Variants in LUZP2 observed in about 807,000 individuals in gnomAD.
The protein encoded by LUZP2 is leucine zipper protein 2.
Under a neutral mutation model 51.6 loss-of-function variants are expected in LUZP2, and 52 were observed. The ratio of observed to expected loss-of-function variants is 1.01; its 90% confidence interval spans 0.81 to 1.27. LUZP2 has a LOEUF of 1.27. LUZP2 is among the 50% of genes most tolerant of loss of function. The pLI is 0.00. For synonymous variants in LUZP2, 154 were observed against 137.3 expected (o/e 1.12, Z -0.85); for missense variants, 436 against 395.4 (o/e 1.10, Z -0.87).
chr11:24,713,335 G>A (rs963088818), intron 1 of LUZP2, among the ~76,000 whole-genome samples: 10 of 152,068 alleles, frequency 6.6e-5, no homozygotes, highest in African/African-American at 1.9e-4. Flanking sequence ...ATACCCTAGC[G>A]AAACCGAATC....
At chr11:24,835,981 G>T (rs1050048865) in intron 5 of LUZP2, among the ~76,000 whole-genome samples, 1 of 151,908 alleles carries the variant, frequency 6.6e-6, no homozygotes, top group African/African-American at 2.4e-5. Flanking sequence ...ATTTAATCAA[G>T]TCATACTGAT....
intron 1 of LUZP2, among the ~76,000 whole-genome samples, chr11:24,503,595 A>T (rs971416587): frequency 1.3e-5 from 2 of 152,216 alleles, no homozygotes; most frequent in South Asian, 2.1e-4. Context: ...AGTGTACTTT[A>T]AAAAGCCTAC....
intron 5 of LUZP2, among the ~76,000 whole-genome samples, chr11:24,884,819 T>C (rs1852618336): frequency 6.6e-6 from 1 of 152,046 alleles, no homozygotes; most frequent in African/African-American, 2.4e-5. Context: ...CCTTCATAGA[T>C]TGTGAACTCC....
chr11:24,674,492 A>C (rs180745397), intron 1 of LUZP2, among the ~76,000 whole-genome samples: 2 of 152,356 alleles, frequency 1.3e-5, no homozygotes, highest in African/African-American at 2.4e-5. Flanking sequence ...AATAAGGTGA[A>C]GGAAAAAGCT....
chr11:24,526,592 G>A (rs983936488), intron 1 of LUZP2, among the ~76,000 whole-genome samples: 3 of 151,098 alleles, frequency 2.0e-5, no homozygotes, highest in East Asian at 1.9e-4. Context: ...TCCATGGGAC[G>A]TTGTTAAAAC....
chr11:24,763,446 G>T, intron 5 of LUZP2, 138 bp downstream of exon 5: 1 of 378,942 alleles, frequency 2.6e-6, no homozygotes, highest in Non-Finnish European at 4.8e-6. Context: ...TAGAGAAATT[G>T]TAAGGTGAAG....
chr11:24,570,489 C>A (rs772360736), intron 1 of LUZP2, among the ~76,000 whole-genome samples: 53 of 151,960 alleles, frequency 3.5e-4, no homozygotes, highest in Non-Finnish European at 4.7e-4. Flanking sequence ...ATAGCTTGTA[C>A]ATCTTGATTT....
intron 9 of LUZP2, among the ~76,000 whole-genome samples, chr11:25,026,125 C>T (rs1234550387): frequency 7.4e-6 from 1 of 134,248 alleles, no homozygotes; most frequent in South Asian, 2.3e-4. Flanking sequence ...GGGAACATGA[C>T]ACACTGGAGC....
chr11:24,613,427 T>C (rs1390169279), intron 1 of LUZP2, among the ~76,000 whole-genome samples: 1 of 152,092 alleles, frequency 6.6e-6, no homozygotes, highest in Non-Finnish European at 1.5e-5. Context: ...AAATAAAAAA[T>C]GACATAGGGT....
Position 24,534,361 on chromosome 11 carries a change from AT to A in LUZP2, c.62+37059del, listed in dbSNP as rs567577166. Among the ~76,000 whole-genome samples the A allele has an allele frequency of 2.3e-3, 349 of 151,430 alleles. 4 individuals are homozygous for A. The highest frequency in any genetic ancestry group is 0.014 in the Middle Eastern group (4 of 290). ...AGAGAGCAACAAGCTCTTTCTATAT[AT>A]TTACATATAGAAGATGACATATACA... On this transcript the variant is annotated intron_variant, in intron 1 of 11. Transcript: ENST00000336930.
chr11:24,649,332 A>T (rs1393954173), intron 1 of LUZP2, among the ~76,000 whole-genome samples: 1 of 151,910 alleles, frequency 6.6e-6, no homozygotes, highest in Non-Finnish European at 1.5e-5. Flanking sequence ...TCCCTTGAAG[A>T]GGGTGATTTT....
chr11:24,688,259 C>T (rs755752490), intron 1 of LUZP2, among the ~76,000 whole-genome samples: 2 of 152,112 alleles, frequency 1.3e-5, no homozygotes, highest in African/African-American at 4.8e-5. Context: ...CACAAGAACC[C>T]AGTTACCATT....
intron 1 of LUZP2, among the ~76,000 whole-genome samples, chr11:24,663,742 G>T: frequency 6.6e-6 from 1 of 152,094 alleles, no homozygotes; most frequent in South Asian, 2.1e-4. Context: ...GGAGGTAATT[G>T]AATCATGGGG....
chr11:24,906,670 G>A (rs1232457521), intron 6 of LUZP2, among the ~76,000 whole-genome samples: 5 of 152,022 alleles, frequency 3.3e-5, no homozygotes, highest in Non-Finnish European at 7.4e-5. Context: ...CAATGAAATA[G>A]GAATGATACT....
At chr11:24,790,988 G>A (rs368679752) in intron 5 of LUZP2, among the ~76,000 whole-genome samples, 3 of 152,040 alleles carry the variant, frequency 2.0e-5, no homozygotes, top group Non-Finnish European at 4.4e-5. Flanking sequence ...TGTATATTCT[G>A]CTCAGACCAC....
chr11:24,569,342 T>G lies in LUZP2; in HGVS notation c.62+72037T>G, dbSNP rs1852350399. Among the ~76,000 whole-genome samples the G allele has an allele frequency of 2.6e-5, 4 of 152,224 alleles. No individual in the cohort carries two copies. In the South Asian group the frequency reaches 8.3e-4, roughly 32 times the overall value. ...TAAAAATGGTATATTAAATCCTTTT[T>G]ATATTGATAAGTAATCTAATGGTTA... On this transcript the variant is annotated intron_variant, in intron 1 of 11. Coordinates refer to ENST00000336930, the MANE Select transcript of LUZP2 (RefSeq NM_001009909.4).
intron 1 of LUZP2, among the ~76,000 whole-genome samples, chr11:24,623,430 T>C (rs1339459622): frequency 6.6e-6 from 1 of 152,164 alleles, no homozygotes; most frequent in East Asian, 1.9e-4. Context: ...CAGATTCATA[T>C]AGAAGTTGAA....
chr11:24,979,606 G>A (rs1243967705), intron 8 of LUZP2, among the ~76,000 whole-genome samples: 1 of 151,788 alleles, frequency 6.6e-6, no homozygotes, highest in Non-Finnish European at 1.5e-5. Context: ...TAGTATCTCA[G>A]TATAAACAAT....
At chr11:24,940,791 G>C (rs1391020332) in intron 7 of LUZP2, among the ~76,000 whole-genome samples, 1 of 152,040 alleles carries the variant, frequency 6.6e-6, no homozygotes, top group African/African-American at 2.4e-5. Context: ...CTATTCTTGA[G>C]TGAGTTGCAT....
Sources: allele counts gnomAD v4.1 joint callset (sites outside exome capture counted in the v4.1 genomes callset), GRCh38; gene constraint gnomAD v4.1.1; transcripts MANE v1.5; gene names NCBI Gene and HGNC (gene_info 2026-07-23, HGNC 2026-07-21).